WFDC8: variants seen among roughly 807,000 people sequenced by gnomAD.
WFDC8 encodes WAP four-disulfide core domain protein 8.
WFDC8 carries 24 observed loss-of-function variants against 27.0 expected under a neutral mutation model. The observed-to-expected ratio is 0.89, with a 90% confidence interval of 0.64 to 1.25. The LOEUF is 1.25. Ranked by LOEUF, WFDC8 falls within the 50% of genes most tolerant of loss-of-function variation. The pLI is 0.00. For synonymous variants in WFDC8, 106 were observed against 99.7 expected, an observed-to-expected ratio of 1.06 and a Z score of -0.38; for missense variants, 287 against 295.9, an observed-to-expected ratio of 0.97 and a Z score of 0.22.
chr20:45,559,542 C>G (rs946341153), intron 2 of WFDC8, among the ~76,000 whole-genome samples: 2 of 152,176 alleles, frequency 1.3e-5, no homozygotes, highest in Admixed American at 1.3e-4. Flanking sequence ...CACTAACCAA[C>G]TAAATAATCT....
At chr20:45,568,564 A>ACTAT in intron 1 of WFDC8, 1 of 483,440 alleles carries the variant, frequency 2.1e-6, no homozygotes, top group South Asian at 1.6e-5. Flanking sequence ...AATGCCCAAC[A>ACTAT]CTATCTCCAG....
At chr20:45,552,482 T>G (rs1006039591) in intron 5 of WFDC8, among the ~76,000 whole-genome samples, 1 of 152,232 alleles carries the variant, frequency 6.6e-6, no homozygotes, top group African/African-American at 2.4e-5. Flanking sequence ...ACACAGAACC[T>G]TCTTGTTTTA....
intron 4 of WFDC8, 59 bp downstream of exon 4, chr20:45,555,642 C>T (rs1340587829): frequency 1.3e-6 from 2 of 1,587,396 alleles, no homozygotes; most frequent in East Asian, 2.2e-5. Flanking sequence ...CCTATAACCT[C>T]ATTGGTATAC....
At chr20:45,553,078 A>G in intron 5 of WFDC8, 58 bp downstream of exon 5, 1 of 1,562,482 alleles carries the variant, frequency 6.4e-7, no homozygotes, top group Non-Finnish European at 8.7e-7. Flanking sequence ...CCATGGAGAC[A>G]GCATGACATC....
At chr20:45,574,331 A>G (rs765439781) in intron 1 of WFDC8, among the ~76,000 whole-genome samples, 1 of 152,200 alleles carries the variant, frequency 6.6e-6, no homozygotes, top group Non-Finnish European at 1.5e-5. Flanking sequence ...ATTGAAGTGG[A>G]GGGAATTCTT....
intron 1 of WFDC8, among the ~76,000 whole-genome samples, chr20:45,576,042 T>A: frequency 6.6e-6 from 1 of 151,454 alleles, no homozygotes; most frequent in Admixed American, 6.6e-5. Context: ...CGTCCAAAGA[T>A]ATTTTCTTCT....
chr20:45,572,885 G>A (rs1980917774), intron 1 of WFDC8, among the ~76,000 whole-genome samples: 1 of 152,218 alleles, frequency 6.6e-6, no homozygotes, highest in Non-Finnish European at 1.5e-5. Flanking sequence ...GGGATTACAG[G>A]CGTGAGCCAC....
intron 5 of WFDC8, 94 bp downstream of exon 5, chr20:45,553,042 A>G (rs1980097211): frequency 1.4e-6 from 2 of 1,463,030 alleles, no homozygotes; most frequent in South Asian, 1.4e-5. Flanking sequence ...CCCAAGGAGC[A>G]TCTGAGGTTC....
Position 45,553,223 on chromosome 20 carries a change from G to A in WFDC8, c.499C>T (p.Pro167Ser), listed in dbSNP as rs775080774. Residue 167 changes from proline (P) to serine (S), a missense_variant, in exon 5 of 6, where the codon CCT becomes TCT. Coordinates refer to ENST00000289953, the MANE Select transcript of WFDC8 (RefSeq NM_130896.3). ...CAATCGATGTCACTGTGACATGAAG[G>A]TGGACACTCCTTACGTTCAGTGAAA... ...FPFTERKECP[P>S]SCHSDIDCPQ... The A allele has an allele frequency of 1.2e-6, 2 of 1,613,896 alleles. No individual in the cohort carries two copies. Among genetic ancestry groups the A allele is most frequent in the South Asian group, 2.2e-5 (2 of 91,068 alleles).
chr20:45,553,931 G>T (rs911699026), intron 4 of WFDC8, among the ~76,000 whole-genome samples: 1 of 152,186 alleles, frequency 6.6e-6, no homozygotes, highest in African/African-American at 2.4e-5. Flanking sequence ...AAGATGAGAA[G>T]CATGGATAGA....
At chr20:45,561,198 CT>C (rs1440734060) in intron 2 of WFDC8, among the ~76,000 whole-genome samples, 3 of 152,184 alleles carry the variant, frequency 2.0e-5, no homozygotes, top group Non-Finnish European at 4.4e-5. Flanking sequence ...GGGGATGCTT[CT>C]CAGAGATCTG....
rs763843188 is a variant in WFDC8 at position 45,558,888 on chromosome 20, A to G, written c.241T>C (p.Phe81Leu). 76 of 1,614,054 alleles carry G rather than the reference A, an allele frequency of 4.7e-5. No individual in the cohort carries two copies. The highest frequency in any genetic ancestry group is 6.1e-5 in the Non-Finnish European group (72 of 1,180,020). The change falls in exon 3 of 6, where the codon TTT becomes CTT. Residue 81 changes from phenylalanine (F) to leucine (L), a missense_variant. By Grantham distance (22) the Phe-to-Leu change is conservative. Transcript: ENST00000289953. ...DCKEYQKCCF[F>L]ACQKKCMDPF... ...TCCATGCACTTCTTCTGACAGGCAA[A>G]AAAGCAGCACTTCTGGTATTCCTTG...
intron 1 of WFDC8, among the ~76,000 whole-genome samples, chr20:45,578,068 TTAA>T (rs1270197813): frequency 6.6e-6 from 1 of 150,968 alleles, no homozygotes; most frequent in African/African-American, 2.4e-5. Flanking sequence ...AGAGTTTTAT[TTAA>T]TAATTAACCA....
At chr20:45,553,492 A>G (rs1980122662) in intron 4 of WFDC8, among the ~76,000 whole-genome samples, 1 of 152,208 alleles carries the variant, frequency 6.6e-6, no homozygotes, top group South Asian at 2.1e-4. Flanking sequence ...GCCCCATGGT[A>G]AAGTCCCAGT....
intron 1 of WFDC8, among the ~76,000 whole-genome samples, chr20:45,574,516 C>T (rs1359919677): frequency 6.6e-6 from 1 of 152,016 alleles, no homozygotes; most frequent in Non-Finnish European, 1.5e-5. Flanking sequence ...CATTCACAGC[C>T]AAGCATGGTG....
At chr20:45,556,852 T>A (rs1001125790) in intron 3 of WFDC8, among the ~76,000 whole-genome samples, 1 of 152,212 alleles carries the variant, frequency 6.6e-6, no homozygotes, top group Non-Finnish European at 1.5e-5. Context: ...CAACCAATGA[T>A]GACCAGCTTA....
chr20:45,555,618 C>T (rs757110230), intron 4 of WFDC8, 83 bp downstream of exon 4: 25 of 1,513,380 alleles, frequency 1.7e-5, no homozygotes, highest in Non-Finnish European at 2.2e-5. Context: ...GGAACTTTAA[C>T]CTCAAATCCT....
At chr20:45,561,272 G>C (rs543097584) in intron 2 of WFDC8, among the ~76,000 whole-genome samples, 2 of 151,908 alleles carry the variant, frequency 1.3e-5, no homozygotes, top group Non-Finnish European at 2.9e-5. Flanking sequence ...TCGTTCCCAC[G>C]ATCCCAACTA....
intron 4 of WFDC8, among the ~76,000 whole-genome samples, chr20:45,553,933 A>G (rs1231733141): frequency 6.6e-6 from 1 of 152,212 alleles, no homozygotes; most frequent in East Asian, 1.9e-4. Flanking sequence ...GATGAGAAGC[A>G]TGGATAGAAC....
Sources: allele counts gnomAD v4.1 joint callset (sites outside exome capture counted in the v4.1 genomes callset), GRCh38; gene constraint gnomAD v4.1.1; transcripts MANE v1.5; gene names NCBI Gene and HGNC (gene_info 2026-07-23, HGNC 2026-07-21).